SNX29: variants seen among roughly 807,000 people sequenced by gnomAD.
SNX29 encodes sorting nexin 29, also known as sorting nexin-29.
A neutral mutation model predicts 102.1 loss-of-function variants in SNX29; 78 were observed. The ratio of observed to expected loss-of-function variants is 0.76; its 90% CI spans 0.64 to 0.92. The LOEUF (loss-of-function observed/expected upper bound fraction) is 0.92. Ranked by LOEUF, SNX29 falls within the 40% of genes least tolerant of loss-of-function variation. The probability of loss-of-function intolerance (pLI) is 0.00; values close to 1 mark genes in which losing one functional copy is unlikely to be tolerated. For missense variants in SNX29, 1,280 were observed against 1,061.7 expected (o/e 1.21, Z -2.86); for synonymous variants, 580 against 414.5 (o/e 1.40, Z -4.85).
At chr16:12,439,880 C>T (rs10048121) in intron 18 of SNX29, among the ~76,000 whole-genome samples, 1 of 152,190 alleles carries the variant, frequency 6.6e-6, no homozygotes, top group Admixed American at 6.5e-5. Context: ...GGGTGCTCCC[C>T]AGATGCCAAG....
chr16:12,491,732 A>T (rs1244789945), intron 19 of SNX29, among the ~76,000 whole-genome samples: 2 of 148,028 alleles, frequency 1.4e-5, no homozygotes, highest in Admixed American at 1.3e-4. Flanking sequence ...TCCTGTGTCC[A>T]TGTGTTCTCA....
chr16:12,439,331 G>A (rs77140129), intron 18 of SNX29, among the ~76,000 whole-genome samples: 3,901 of 152,254 alleles, frequency 0.026, 86 homozygotes, highest in East Asian at 0.097. Context: ...GGGAGTAGTG[G>A]GTCCTGATTT....
At chr16:12,340,819 C>A (rs992402175) in intron 15 of SNX29, among the ~76,000 whole-genome samples, 1 of 152,266 alleles carries the variant, frequency 6.6e-6, no homozygotes, top group East Asian at 1.9e-4. Context: ...GGTCTGAGAT[C>A]CTCCAGTGGA....
intron 13 of SNX29, among the ~76,000 whole-genome samples, chr16:12,185,697 G>A (rs2076493316): frequency 6.6e-6 from 1 of 152,186 alleles, no homozygotes; most frequent in Non-Finnish European, 1.5e-5. Flanking sequence ...TTGTTGAGAC[G>A]ACTGTGACTT....
chr16:12,273,638 G>A (rs1472428839), intron 14 of SNX29, among the ~76,000 whole-genome samples: 1 of 152,112 alleles, frequency 6.6e-6, no homozygotes, highest in Admixed American at 6.6e-5. Context: ...GATTACAGGC[G>A]TGAGCCACCA....
intron 13 of SNX29, among the ~76,000 whole-genome samples, chr16:12,141,574 T>C (rs929150818): frequency 3.3e-5 from 5 of 152,242 alleles, no homozygotes; most frequent in African/African-American, 1.2e-4. Context: ...AAAAGGCAGA[T>C]TATTCATGAG....
In SNX29 at chr16:12,544,920, TATC is replaced by T. The variant is rs546624306; in HGVS notation, c.2318+20086_2318+20088del. Among the ~76,000 whole-genome samples the T allele has an allele frequency of 4.8e-4, 73 of 152,326 alleles. No homozygotes were observed. In the South Asian group the frequency reaches 0.012, roughly 25 times the overall value. On this transcript the variant is annotated intron_variant, in intron 20 of 20. Transcript: ENST00000566228. ...CCAGTAATCAATAGTCATTAGATGTTATCATCATCCCTTGTTCACTGTATTTCC... is the reference window on the plus strand; with the variant it reads ...CCAGTAATCAATAGTCATTAGATGTTATCATCCCTTGTTCACTGTATTTCC...
Position 12,571,739 on chromosome 16 carries a change from T to G in SNX29, c.*3110T>G, listed in dbSNP as rs889999134. 9.7e-7 allele frequency: 1 copy of G among 1,034,302 alleles called. No individual in the cohort carries two copies. Among genetic ancestry groups the G allele is most frequent in the African/African-American group, 1.7e-5 (1 of 60,230 alleles). The allele number at this position is 1,034,302 out of a possible 1,614,324, so 64.1% of individuals were successfully genotyped here. The stretch of plus-strand genomic sequence containing the variant: ...GGGAGCTTAAAGGCTGCTAGAAACC[T>G]AGCCCAACCATCCACTCCTGATCTG... On this transcript the variant is annotated 3_prime_UTR_variant, in exon 21 of 21. Transcript: ENST00000566228.
At chr16:12,451,317 T>G (rs896839040) in intron 18 of SNX29, among the ~76,000 whole-genome samples, 1 of 152,204 alleles carries the variant, frequency 6.6e-6, no homozygotes, top group Non-Finnish European at 1.5e-5. Context: ...CCACCAAGTT[T>G]ATGTTTCGTC....
At chr16:12,415,191 C>A (rs1033556610) in intron 18 of SNX29, among the ~76,000 whole-genome samples, 1 of 152,254 alleles carries the variant, frequency 6.6e-6, no homozygotes, top group Non-Finnish European at 1.5e-5. Flanking sequence ...CACAAACTGG[C>A]AGTGAGTGGG....
rs1354415304 is a variant in SNX29 at position 12,571,255 on chromosome 16, C to T, written c.*2626C>T. Reference sequence around the variant, plus strand: ...AGTTATGGAGCAGAAACACCCAGGCCTAGCAGAATTGTGGCTGAAACCTGG... The same window carrying T: ...AGTTATGGAGCAGAAACACCCAGGCTTAGCAGAATTGTGGCTGAAACCTGG... On this transcript the variant is annotated 3_prime_UTR_variant, in exon 21 of 21. Transcript: ENST00000566228. 2 of 232,058 alleles carry T rather than the reference C, an allele frequency of 8.6e-6. No homozygotes were observed. Among genetic ancestry groups the T allele is most frequent in the Non-Finnish European group, 1.7e-5 (2 of 117,388 alleles). The allele number at this position is 232,058 out of a possible 1,614,324, so 14.4% of individuals were successfully genotyped here. A position where few individuals can be genotyped will look rare whatever the true frequency, so the allele number is the denominator to read the frequency against.
At chr16:12,391,091 G>A (rs968326979) in intron 16 of SNX29, among the ~76,000 whole-genome samples, 1 of 151,988 alleles carries the variant, frequency 6.6e-6, no homozygotes, top group African/African-American at 2.4e-5. Context: ...GACTATAGGA[G>A]CATGCCACCA....
chr16:11,989,628 G>A (rs550561777), intron 1 of SNX29, among the ~76,000 whole-genome samples: 1 of 152,312 alleles, frequency 6.6e-6, no homozygotes, highest in African/African-American at 2.4e-5. Context: ...TAGCAACTTG[G>A]GGAGCCACAG....
At chr16:12,524,572 C>T (rs1385748461) in intron 19 of SNX29, 130 bp from the exon 20 acceptor site, 24 of 1,001,930 alleles carry the variant, frequency 2.4e-5, no homozygotes, top group Non-Finnish European at 3.3e-5. Flanking sequence ...AGGGACCATT[C>T]ATACGAGATA....
intron 13 of SNX29, among the ~76,000 whole-genome samples, chr16:12,159,525 C>T (rs539073760): frequency 6.6e-6 from 1 of 152,270 alleles, no homozygotes; most frequent in Non-Finnish European, 1.5e-5. Context: ...ACCACATCTG[C>T]ATAGAGACAT....
At chr16:12,297,546 A>G (rs1394848582) in intron 15 of SNX29, among the ~76,000 whole-genome samples, 1 of 151,818 alleles carries the variant, frequency 6.6e-6, no homozygotes, top group Non-Finnish European at 1.5e-5. Context: ...GAAATTTGCT[A>G]AGAGAGATCT....
chr16:12,023,439 A>T (rs1360335954), intron 3 of SNX29, among the ~76,000 whole-genome samples: 2 of 148,884 alleles, frequency 1.3e-5, no homozygotes, highest in African/African-American at 2.5e-5. Flanking sequence ...GTAGCTGCGC[A>T]TGGTAGTGCA....
intron 18 of SNX29, among the ~76,000 whole-genome samples, chr16:12,460,551 C>G (rs2151750546): frequency 6.6e-6 from 1 of 152,242 alleles, no homozygotes; most frequent in South Asian, 2.1e-4. Context: ...AAACTGCATT[C>G]CATGTCACCT....
intron 3 of SNX29, among the ~76,000 whole-genome samples, chr16:12,012,882 A>G (rs1045987253): frequency 2.0e-5 from 3 of 152,068 alleles, no homozygotes; most frequent in Non-Finnish European, 4.4e-5. Context: ...GGGTTTCCCT[A>G]AAATCGTGTC....
Sources: allele counts gnomAD v4.1 joint callset (sites outside exome capture counted in the v4.1 genomes callset), GRCh38; gene constraint gnomAD v4.1.1; transcripts MANE v1.5; gene names NCBI Gene and HGNC (gene_info 2026-07-23, HGNC 2026-07-21).